The following SLC25A21 variants were observed in gnomAD, a reference collection of about 807,000 sequenced individuals.
SLC25A21 encodes the protein solute carrier family 25 member 21.
A neutral mutation model predicts 43.8 loss-of-function variants in SLC25A21; 47 were observed. The ratio of observed to expected loss-of-function variants is 1.07; its 90% CI spans 0.85 to 1.37. The LOEUF is 1.37. Among genes scored for constraint, SLC25A21 ranks in the 40% most tolerant of loss-of-function variants. SLC25A21 has a pLI of 0.00. For synonymous variants in SLC25A21, 131 were observed against 121.3 expected, an observed-to-expected ratio of 1.08 and a Z score of -0.52; for missense variants, 352 against 350.2, an observed-to-expected ratio of 1.00 and a Z score of -0.04.
At chr14:36,985,198 G>T in intron 1 of SLC25A21, among the ~76,000 whole-genome samples, 1 of 124,088 alleles carries the variant, frequency 8.1e-6, no homozygotes, top group Non-Finnish European at 1.7e-5. Context: ...AGGGGGGAGG[G>T]ATAGCATTGG....
intron 1 of SLC25A21, among the ~76,000 whole-genome samples, chr14:36,978,948 C>T (rs1317820606): frequency 1.3e-5 from 2 of 152,146 alleles, no homozygotes; most frequent in South Asian, 2.1e-4. Flanking sequence ...ATTAGCCAGA[C>T]GTGCTGCCAC....
chr14:37,109,196 TG>T (rs1468660485), intron 1 of SLC25A21, among the ~76,000 whole-genome samples: 4 of 152,100 alleles, frequency 2.6e-5, no homozygotes, highest in African/African-American at 9.7e-5. Flanking sequence ...ATCATGTGAA[TG>T]GAAGAGCTTA....
chr14:37,171,913 T>A, intron 1 of SLC25A21: 1 of 260,942 alleles, frequency 3.8e-6, no homozygotes, highest in Non-Finnish European at 7.3e-6. Context: ...CTACAATTGA[T>A]AAAACTAAGT....
At chr14:36,850,531 C>A (rs900106892) in intron 2 of SLC25A21, among the ~76,000 whole-genome samples, 6 of 152,090 alleles carry the variant, frequency 3.9e-5, no homozygotes, top group Non-Finnish European at 8.8e-5. Context: ...GCTTATGATC[C>A]CAGAAAGTCA....
intron 1 of SLC25A21, among the ~76,000 whole-genome samples, chr14:37,149,553 G>A (rs1963723547): frequency 6.6e-6 from 1 of 151,998 alleles, no homozygotes; most frequent in African/African-American, 2.4e-5. Context: ...AAATTAGCTG[G>A]GCATGGTGGT....
At chr14:36,829,391 C>G (rs1283788177) in intron 2 of SLC25A21, among the ~76,000 whole-genome samples, 2 of 152,142 alleles carry the variant, frequency 1.3e-5, no homozygotes, top group African/African-American at 4.8e-5. Flanking sequence ...CTCAGGCTTG[C>G]TGGTTCTGTC....
intron 1 of SLC25A21, among the ~76,000 whole-genome samples, chr14:36,915,378 A>C (rs1373030138): frequency 6.6e-6 from 1 of 152,202 alleles, no homozygotes; most frequent in African/African-American, 2.4e-5. Flanking sequence ...TAATTATAGC[A>C]GAAGCACAGC....
At chr14:36,979,335 T>TTTTTTTG (rs1311421462) in intron 1 of SLC25A21, among the ~76,000 whole-genome samples, 9 of 145,272 alleles carry the variant, frequency 6.2e-5, no homozygotes, top group African/African-American at 2.3e-4. Flanking sequence ...TTTTTTGGTT[T>TTTTTTTG]TTTTTTTTAC....
At chr14:36,777,906 C>T (rs949232411) in intron 3 of SLC25A21, among the ~76,000 whole-genome samples, 45 of 152,192 alleles carry the variant, frequency 3.0e-4, no homozygotes, top group African/African-American at 1.0e-3. Flanking sequence ...AGAATCTATA[C>T]TCACTATACT....
intron 1 of SLC25A21, among the ~76,000 whole-genome samples, chr14:37,128,879 C>T (rs1032073788): frequency 9.2e-5 from 14 of 152,144 alleles, no homozygotes; most frequent in African/African-American, 3.1e-4. Context: ...TGAGCCACTG[C>T]ACCTGGCCCT....
chr14:37,121,397 G>A (rs1050637074), intron 1 of SLC25A21, among the ~76,000 whole-genome samples: 19 of 152,136 alleles, frequency 1.2e-4, no homozygotes, highest in African/African-American at 3.9e-4. Flanking sequence ...ATGTCAGTGC[G>A]GATAGGGGAG....
At chr14:37,045,718 T>C (rs1961572973) in intron 1 of SLC25A21, among the ~76,000 whole-genome samples, 1 of 152,236 alleles carries the variant, frequency 6.6e-6, no homozygotes, top group South Asian at 2.1e-4. Context: ...GATCGGGGTC[T>C]AGCACCTGAC....
chr14:36,936,976 C>T (rs753386819), intron 1 of SLC25A21, among the ~76,000 whole-genome samples: 1 of 152,162 alleles, frequency 6.6e-6, no homozygotes, highest in Non-Finnish European at 1.5e-5. Flanking sequence ...GCTAGGGTCT[C>T]TTTCTATGGT....
chr14:36,773,936 T>C (rs1345515269), intron 3 of SLC25A21, among the ~76,000 whole-genome samples: 1 of 152,226 alleles, frequency 6.6e-6, no homozygotes, highest in Non-Finnish European at 1.5e-5. Flanking sequence ...TTGTAATGAA[T>C]ACACATGAGT....
chr14:37,130,418 G>C (rs1392064178), intron 1 of SLC25A21, among the ~76,000 whole-genome samples: 1 of 152,188 alleles, frequency 6.6e-6, no homozygotes. Flanking sequence ...CATCCTTGAA[G>C]ATAGCTGCGA....
chr14:37,104,913 A>G (rs535459942), intron 1 of SLC25A21, among the ~76,000 whole-genome samples: 1 of 152,356 alleles, frequency 6.6e-6, no homozygotes, highest in Middle Eastern at 3.4e-3. Flanking sequence ...TCTGAAATAC[A>G]GCAGATCTGT....
At chr14:36,697,751 C>CTTTTTTTTTTTTTTTTTTTTTT (rs1883096336) in intron 7 of SLC25A21, among the ~76,000 whole-genome samples, 23 of 73,946 alleles carry the variant, frequency 3.1e-4, no homozygotes, top group Non-Finnish European at 3.1e-4. Context: ...TTTTTTTTTG[C>CTTTTTTTTTTTTTTTTTTTTTT]TTTCCATTTG....
At chr14:37,117,198 C>T (rs1486073048) in intron 1 of SLC25A21, among the ~76,000 whole-genome samples, 2 of 152,156 alleles carry the variant, frequency 1.3e-5, no homozygotes, top group African/African-American at 2.4e-5. Context: ...GCAGGCAAAA[C>T]AGTGGCTGTG....
intron 1 of SLC25A21, among the ~76,000 whole-genome samples, chr14:36,995,763 T>C (rs912720634): frequency 1.3e-5 from 2 of 152,118 alleles, no homozygotes; most frequent in Non-Finnish European, 2.9e-5. Flanking sequence ...GGTATGTGGA[T>C]TGCCCAGGTA....
Sources: gnomAD v4.1 joint callset for allele counts (sites outside exome capture counted in the v4.1 genomes callset) on GRCh38, gnomAD v4.1.1 for gene constraint, MANE v1.5 for transcripts, NCBI Gene and HGNC (gene_info 2026-07-23, HGNC 2026-07-21) for gene names.